POLG2: variants seen among roughly 807,000 people sequenced by gnomAD.
POLG2 encodes the protein DNA polymerase subunit gamma-2.
Under a neutral mutation model 56.5 loss-of-function variants are expected in POLG2, and 50 were observed. That is an observed-to-expected ratio of 0.88 (90% CI 0.71 to 1.12). The LOEUF (loss-of-function observed/expected upper bound fraction) is 1.12. Among genes scored for constraint, POLG2 ranks in the 50% most tolerant of loss-of-function variants. The pLI is 0.00. For synonymous variants in POLG2, 226 were observed against 222.6 expected (o/e 1.02, Z -0.14); for missense variants, 584 against 583.3 (o/e 1.00, Z -0.01).
intron 3 of POLG2, among the ~76,000 whole-genome samples, chr17:64,492,414 A>G (rs2038076567): frequency 6.6e-6 from 1 of 152,254 alleles, no homozygotes; most frequent in South Asian, 2.1e-4. Flanking sequence ...CAGGAATGCT[A>G]GGTGAGGGCT....
intron 5 of POLG2, chr17:64,483,859 C>T (rs9905975): frequency 0.1 from 15,409 of 152,200 alleles, 1,849 homozygotes; most frequent in African/African-American, 0.29. Context: ...TACAGGTGCA[C>T]GCCACCACGC....
At chr17:64,485,519 G>A (rs1346252924) in intron 5 of POLG2, 1 of 579,232 alleles carries the variant, frequency 1.7e-6, no homozygotes, top group East Asian at 3.0e-5. Context: ...ATGCCTTTGG[G>A]ATTACTTATT....
At chr17:64,496,339 A>G in intron 1 of POLG2, 68 bp downstream of exon 1, 1 of 1,032,900 alleles carries the variant, frequency 9.7e-7, no homozygotes. Context: ...GCAATCCCCA[A>G]GATCCAGCAA....
chr17:64,496,959 G>A lies in POLG2; in HGVS notation c.10C>T (p.Arg4Cys), dbSNP rs532597297. ...TTATGGCAGGCCCTGACGGCTACAC[G>A]AGAGCGCATCTCTCTCCGAAGTTAA... is the stretch of plus-strand genomic sequence containing the variant. MRS[R>C]VAVRACHKVC... Residue 4 changes from arginine to cysteine, a missense_variant, in exon 1 of 8, where the codon CGT (arginine) becomes TGT (cysteine). Arg to Cys is a radical substitution (Grantham distance 180, BLOSUM62 -3). Transcript: ENST00000539111. The A allele has an allele frequency of 1.5e-5, 24 of 1,605,782 alleles. No homozygotes were observed. In the East Asian group the frequency reaches 3.6e-4, roughly 24 times the overall value.
intron 3 of POLG2, among the ~76,000 whole-genome samples, 154 bp downstream of exon 3, chr17:64,492,513 C>T (rs576474396): frequency 3.3e-5 from 5 of 152,210 alleles, no homozygotes; most frequent in African/African-American, 9.6e-5. Flanking sequence ...TAATCTAGAA[C>T]AATGAAAATT....
At chr17:64,493,263 C>T (rs1263094724) in intron 1 of POLG2, among the ~76,000 whole-genome samples, 2 of 151,948 alleles carry the variant, frequency 1.3e-5, no homozygotes, top group African/African-American at 2.4e-5. Context: ...TAAAAATATA[C>T]AAAAATAAGC....
chr17:64,490,737 C>A (rs1157721028), intron 4 of POLG2, 59 bp downstream of exon 4: 1 of 1,364,466 alleles, frequency 7.3e-7, no homozygotes, highest in Non-Finnish European at 1.0e-6. Context: ...TCAAATGGTT[C>A]GGAAATGATT....
At position 64,481,830 on chromosome 17, in the gene POLG2, G is replaced by A. The variant is rs576532740; in HGVS notation, c.1191+1089C>T. The stretch of plus-strand genomic sequence containing the variant: ...GCAGAGGTTGCAGTGAGCCGAGATC[G>A]TGCCACTGCACTCCAGCCTGGGTAA... On this transcript the variant is annotated intron_variant, in intron 6 of 7. Transcript: ENST00000539111. Among the ~76,000 whole-genome samples, 146 of 151,900 alleles carry A rather than the reference G, an allele frequency of 9.6e-4. 1 individual carries two copies. Among genetic ancestry groups the A allele is most frequent in the African/African-American group, 3.5e-3 (144 of 41,484 alleles).
At chr17:64,494,448 A>G (rs1345384585) in intron 1 of POLG2, among the ~76,000 whole-genome samples, 1 of 152,194 alleles carries the variant, frequency 6.6e-6, no homozygotes, top group Admixed American at 6.5e-5. Context: ...TTTAGAATCC[A>G]TTGATGACTG....
chr17:64,489,250 G>A (rs116178546), intron 4 of POLG2, among the ~76,000 whole-genome samples: 1,680 of 147,772 alleles, frequency 0.011, 28 homozygotes, highest in African/African-American at 0.04. Context: ...AACCCCCTGA[G>A]AAAGTAATCT....
At chr17:64,487,305 C>T (rs895483639) in intron 4 of POLG2, 1 of 152,130 alleles carries the variant, frequency 6.6e-6, no homozygotes, top group Non-Finnish European at 1.5e-5. Context: ...CAGTTATCGT[C>T]GAACTGATAG....
chr17:64,492,909 T>C lies in POLG2; in HGVS notation c.675A>G (p.Arg225=). ...ACTTTTTATACCTTTTAACACCATT[T>C]CGTATCTGCTTAGTGTCAAAAACAG... is the stretch of plus-strand genomic sequence containing the variant. ...FHPVFDTKQI[R]NGVKSIGEKT... The change falls in exon 2 of 8, where the codon CGA becomes CGG. Residue 225 remains arginine (R), a synonymous_variant. Coordinates refer to ENST00000539111, the MANE Select transcript of POLG2 (RefSeq NM_007215.4). 6.2e-7 allele frequency: 1 copy of C among 1,614,144 alleles called. No individual in the cohort carries two copies.
intron 4 of POLG2, among the ~76,000 whole-genome samples, chr17:64,490,178 C>A (rs2038033387): frequency 6.6e-6 from 1 of 152,160 alleles, no homozygotes; most frequent in African/African-American, 2.4e-5. Context: ...CCACTTCGGC[C>A]TCACAAAGTG....
At chr17:64,492,416 G>A (rs947508517) in intron 3 of POLG2, among the ~76,000 whole-genome samples, 1 of 152,204 alleles carries the variant, frequency 6.6e-6, no homozygotes, top group Admixed American at 6.5e-5. Context: ...GGAATGCTAG[G>A]TGAGGGCTTT....
chr17:64,494,904 T>C (rs1222850300), intron 1 of POLG2, among the ~76,000 whole-genome samples: 2 of 152,208 alleles, frequency 1.3e-5, no homozygotes, highest in African/African-American at 4.8e-5. Context: ...CCGGGCGCAG[T>C]GGCTCACGCC....
At position 64,491,052 on chromosome 17, in the gene POLG2, T is replaced by C. The variant is rs531802887; in HGVS notation, c.796-83A>G. On this transcript the variant is annotated intron_variant, in intron 3 of 7. Coordinates refer to ENST00000539111, the MANE Select transcript of POLG2 (RefSeq NM_007215.4). ...CCATAATTATCTGTAAGAATTTAAA[T>C]TGTCCGATACTTTTTATTCAGCAAA... 6.2e-4 allele frequency: 664 copies of C among 1,077,958 alleles called. 7 individuals carry two copies. In the South Asian group the frequency reaches 8.2e-3, roughly 13 times the overall value. The allele number at this position is 1,077,958 out of a possible 1,614,324, so 66.8% of individuals were successfully genotyped here. A position where few individuals can be genotyped will look rare whatever the true frequency, so the allele number is the denominator to read the frequency against.
At chr17:64,481,698 C>A (rs1555666497) in intron 6 of POLG2, among the ~76,000 whole-genome samples, 1 of 151,924 alleles carries the variant, frequency 6.6e-6, no homozygotes, top group Non-Finnish European at 1.5e-5. Flanking sequence ...CATGGTGAAA[C>A]CCTGTCTCTA....
chr17:64,489,361 TAA>T (rs1555668105), intron 4 of POLG2, among the ~76,000 whole-genome samples: 3 of 135,318 alleles, frequency 2.2e-5, no homozygotes, highest in African/African-American at 2.7e-5. Flanking sequence ...TGTTTTTTTT[TAA>T]AAAAAAAAAA....
intron 4 of POLG2, among the ~76,000 whole-genome samples, chr17:64,487,968 T>C (rs1424849131): frequency 6.6e-6 from 1 of 152,260 alleles, no homozygotes; most frequent in Non-Finnish European, 1.5e-5. Flanking sequence ...GAATAAATTC[T>C]TTTCTATCCT....
Sources: gnomAD v4.1 joint callset for allele counts (sites outside exome capture counted in the v4.1 genomes callset) on GRCh38, gnomAD v4.1.1 for gene constraint, MANE v1.5 for transcripts, NCBI Gene and HGNC (gene_info 2026-07-23, HGNC 2026-07-21) for gene names.